The following ZFR2 variants were observed in gnomAD, a reference collection of about 807,000 sequenced individuals.
The protein encoded by ZFR2 is zinc finger RNA binding protein 2.
Under a neutral mutation model 105.7 loss-of-function variants are expected in ZFR2, and 104 were observed. That is an observed-to-expected ratio of 0.98 (90% CI 0.84 to 1.16). The LOEUF (loss-of-function observed/expected upper bound fraction) is 1.16, where lower values mean the gene tolerates loss of function less well. Ranked by LOEUF, ZFR2 falls within the 50% of genes most tolerant of loss-of-function variation. The pLI is 0.00. For synonymous variants in ZFR2, 634 were observed against 597.7 expected (o/e 1.06, Z -0.89); for missense variants, 1,425 against 1,355.5 (o/e 1.05, Z -0.80).
intron 14 of ZFR2, among the ~76,000 whole-genome samples, chr19:3,811,816 A>C (rs2037768214): frequency 6.6e-6 from 1 of 151,902 alleles, no homozygotes; most frequent in Non-Finnish European, 1.5e-5. Flanking sequence ...GCTGGAGTGC[A>C]GTGGTGTGAC....
At chr19:3,836,354 T>A (rs1339704646) in intron 1 of ZFR2, among the ~76,000 whole-genome samples, 2 of 152,298 alleles carry the variant, frequency 1.3e-5, no homozygotes, top group East Asian at 3.9e-4. Context: ...AGAAAGGGTC[T>A]CGCTCTGTCA....
Position 3,805,517 on chromosome 19 carries a change from T to G in ZFR2, c.*432A>C. Reference sequence around the variant, plus strand: ...GGTGCACACCACCACGCCAGGCTAATTGTTGTGTTTTTTACTAGAGACAGG... The same window carrying G: ...GGTGCACACCACCACGCCAGGCTAAGTGTTGTGTTTTTTACTAGAGACAGG... On this transcript the variant is annotated 3_prime_UTR_variant, in exon 19 of 19. Transcript: ENST00000262961. 2 of 156,768 alleles carry G rather than the reference T, an allele frequency of 1.3e-5. No individual in the cohort carries two copies. Among genetic ancestry groups the G allele is most frequent in the Non-Finnish European group, 1.4e-5 (1 of 70,924 alleles). 9.7% of individuals were successfully genotyped at this position (156,768 alleles called of 1,614,324 possible). A position where few individuals can be genotyped will look rare whatever the true frequency, so the allele number is the denominator to read the frequency against.
chr19:3,811,342 G>C lies in ZFR2; in HGVS notation c.2267C>G (p.Ala756Gly), dbSNP rs572672725. 88 of 1,600,880 alleles carry C rather than the reference G, an allele frequency of 5.5e-5. No homozygotes were observed. In the East Asian group the frequency reaches 1.9e-3, roughly 35 times the overall value. Reference sequence around the variant, plus strand: ...CTTCTTGGGGCTCAGGACATCACCTGCATCAGCCTGAGGCTCCTCCACACC... The same window carrying C: ...CTTCTTGGGGCTCAGGACATCACCTCCATCAGCCTGAGGCTCCTCCACACC... ...DPGVEEPQADAGDVLSPKKCL... is the reference protein window; with the variant it reads ...DPGVEEPQADGGDVLSPKKCL... Residue 756 changes from alanine (A) to glycine (G), a missense_variant, in exon 15 of 19, where the codon GCA becomes GGA. By Grantham distance (60) the Ala-to-Gly change is moderately conservative. Transcript: ENST00000262961.
Position 3,810,680 on chromosome 19 carries a change from T to G in ZFR2, c.2433+70A>C, listed in dbSNP as rs1417968840. 4.2e-6 allele frequency: 6 copies of G among 1,412,580 alleles called. No individual in the cohort carries two copies. The African/African-American group carries it at 8.7e-5, about 20-fold the overall frequency. The allele number at this position is 1,412,580 out of a possible 1,614,324, so 87.5% of individuals were successfully genotyped here. On this transcript the variant is annotated intron_variant, in intron 16 of 18. Coordinates refer to ENST00000262961, the MANE Select transcript of ZFR2 (RefSeq NM_015174.2). ...GAGGGAAAAGGTCTGTCTCTCAGCCTGGGCCTGTCAGGGCCATGGAGGCCC... is the reference window on the plus strand; with the variant it reads ...GAGGGAAAAGGTCTGTCTCTCAGCCGGGGCCTGTCAGGGCCATGGAGGCCC...
chr19:3,850,723 AAAC>A (rs59895843), intron 1 of ZFR2, among the ~76,000 whole-genome samples: 47,537 of 147,892 alleles, frequency 0.32, 8,220 homozygotes, highest in African/African-American at 0.44. Context: ...CTCTACAGAA[AAAC>A]AACAACAACA....
rs186809415 is a variant in ZFR2 at position 3,858,029 on chromosome 19, G to A, written c.53+10936C>T. Reference sequence around the variant, plus strand: ...ATGTCTTTTGATGGCTTTTTGGTCGGAGAATTTGTTTTGGGAAGTCAAGCT... The same window carrying A: ...ATGTCTTTTGATGGCTTTTTGGTCGAAGAATTTGTTTTGGGAAGTCAAGCT... On this transcript the variant is annotated intron_variant, in intron 1 of 18. Coordinates refer to ENST00000262961, the MANE Select transcript of ZFR2 (RefSeq NM_015174.2). The surrounding 1 kb of genome is among the most constrained non-coding windows in gnomAD (Gnocchi z 4.3). Among the ~76,000 whole-genome samples, 10 of 152,292 alleles carry A rather than the reference G, an allele frequency of 6.6e-5. No individual in the cohort carries two copies. The East Asian group carries it at 1.7e-3, about 26-fold the overall frequency.
Position 3,827,639 on chromosome 19 carries a change from A to C in ZFR2, c.867T>G (p.His289Gln). The C allele has an allele frequency of 1.3e-6, 2 of 1,581,134 alleles. No individual in the cohort carries two copies. Among genetic ancestry groups the C allele is most frequent in the Non-Finnish European group, 1.7e-6 (2 of 1,164,142 alleles). The change falls in exon 6 of 19, where the codon CAT becomes CAG. Residue 289 changes from histidine (H) to glutamine (Q), a missense_variant. His to Gln is a conservative substitution (Grantham distance 24). Coordinates refer to ENST00000262961, the MANE Select transcript of ZFR2 (RefSeq NM_015174.2). ...SCAGPQTYRE[H>Q]LGGQKHRKKE... ...TCTTTCTGTGCTTCTGCCCTCCCAG[A>C]TGTTCCCGGTAGGTCTGCGGCAAGG...
chr19:3,836,363 C>T (rs1338350969), intron 1 of ZFR2, among the ~76,000 whole-genome samples: 1 of 152,130 alleles, frequency 6.6e-6, no homozygotes, highest in Non-Finnish European at 1.5e-5. Flanking sequence ...CTCGCTCTGT[C>T]ACCCAGGTTG....
chr19:3,822,049 A>G, intron 9 of ZFR2, 32 bp downstream of exon 9: 1 of 1,567,194 alleles, frequency 6.4e-7, no homozygotes, highest in Non-Finnish European at 8.6e-7. Flanking sequence ...CACAGCCCGG[A>G]CGGGTGTCGG....
At chr19:3,829,445 T>C (rs2037987419) in intron 5 of ZFR2, among the ~76,000 whole-genome samples, 1 of 151,962 alleles carries the variant, frequency 6.6e-6, no homozygotes, top group Admixed American at 6.6e-5. Context: ...TGGGGGACTA[T>C]AGGTAGGTTT....
chr19:3,844,021 G>GT (rs1394414932), intron 1 of ZFR2, among the ~76,000 whole-genome samples: 3 of 148,510 alleles, frequency 2.0e-5, no homozygotes, highest in Non-Finnish European at 3.0e-5. Flanking sequence ...TGTGGGGGGG[G>GT]GGGTGCCAGG....
chr19:3,827,364 C>T (rs2037962243), intron 6 of ZFR2, 107 bp downstream of exon 6: 11 of 1,338,188 alleles, frequency 8.2e-6, no homozygotes, highest in Non-Finnish European at 1.1e-5. Context: ...CTTGGGGAGG[C>T]TTCTCCCAGC....
chr19:3,808,876 C>G lies in ZFR2; in HGVS notation c.2541G>C (p.Leu847=). 1 of 1,549,066 alleles carries G rather than the reference C, an allele frequency of 6.5e-7. No individual in the cohort carries two copies. The highest frequency in any genetic ancestry group is 8.7e-7 in the Non-Finnish European group (1 of 1,149,230). ...VLECVATGTL[L]TDGPGLQDPC... is the part of the protein sequence containing the mutation. ...CCCTCCGGCCCAGCGACTGACCTGT[C>G]AGGAGCGTCCCTGTGGCCACGCACT... The change falls in exon 17 of 19, where the codon CTG becomes CTC. Residue 847 remains leucine, a synonymous_variant. Transcript: ENST00000262961.
chr19:3,810,605 A>G, intron 16 of ZFR2, 145 bp downstream of exon 16: 1 of 670,692 alleles, frequency 1.5e-6, no homozygotes, highest in Non-Finnish European at 2.3e-6. Flanking sequence ...AGGGGACCTC[A>G]GGGACTCCCA....
At chr19:3,832,799 C>T (rs1359947587) in intron 3 of ZFR2, among the ~76,000 whole-genome samples, 2 of 151,864 alleles carry the variant, frequency 1.3e-5, no homozygotes, top group Non-Finnish European at 2.9e-5. Context: ...CCATGCCTGG[C>T]TAATTTTTTT....
At chr19:3,868,874 C>G in intron 1 of ZFR2, 91 bp downstream of exon 1, 1 of 1,074,718 alleles carries the variant, frequency 9.3e-7, no homozygotes, top group Non-Finnish European at 1.2e-6. Context: ...GGGGCCGGGC[C>G]GGGCGCACGC....
chr19:3,821,526 C>G, intron 9 of ZFR2, 47 bp from the exon 10 acceptor site: 1 of 1,494,922 alleles, frequency 6.7e-7, no homozygotes, highest in Non-Finnish European at 9.0e-7. Flanking sequence ...TTGCTTTAGA[C>G]AGGGATGCCA....
chr19:3,827,503 C>G lies in ZFR2; in HGVS notation c.1003G>C (p.Ala335Pro). ...AVSCTGADAY[A>P]AHIRGSKHQK... The stretch of plus-strand genomic sequence containing the variant: ...TGCTTGGATCCCCGGATGTGGGCCG[C>G]GTAGGCGTCCGCCCCGGTGCAGGAC... Residue 335 changes from alanine to proline, a missense_variant, in exon 6 of 19, where the codon GCG becomes CCG. By Grantham distance (27) the Ala-to-Pro change is conservative (BLOSUM62 -1). Transcript: ENST00000262961. 6.4e-7 allele frequency: 1 copy of G among 1,554,754 alleles called. No individual in the cohort carries two copies. Among genetic ancestry groups the G allele is most frequent in the African/African-American group, 1.4e-5 (1 of 73,280 alleles).
In ZFR2 at chr19:3,834,798, G is replaced by A. The variant is rs895358879; in HGVS notation, c.239C>T (p.Thr80Met). Reference protein sequence around the residue: ...YGSRPQEPVPTATTMATYQDS... With the variant: ...YGSRPQEPVPMATTMATYQDS... ...CTGGTAGGTAGCCATGGTGGTGGCCGTGGGGACGGGCTCCTGGGGTCGGCT... is the reference window on the plus strand; with the variant it reads ...CTGGTAGGTAGCCATGGTGGTGGCCATGGGGACGGGCTCCTGGGGTCGGCT... Residue 80 changes from threonine (T) to methionine (M), a missense_variant, in exon 2 of 19, where the codon ACG becomes ATG. Physicochemically the swap from Thr to Met is moderately conservative, Grantham distance 81 (BLOSUM62 -1). Transcript: ENST00000262961. The surrounding 1 kb of genome is among the most constrained non-coding windows in gnomAD (Gnocchi z 5.3). 9.3e-6 allele frequency: 15 copies of A among 1,612,178 alleles called. No homozygotes were observed. Among genetic ancestry groups the A allele is most frequent in the East Asian group, 6.7e-5 (3 of 44,888 alleles).
Sources: allele counts gnomAD v4.1 joint callset (sites outside exome capture counted in the v4.1 genomes callset), GRCh38; gene constraint gnomAD v4.1.1; non-coding constraint Gnocchi (gnomAD v3.1); transcripts MANE v1.5; gene names NCBI Gene and HGNC (gene_info 2026-07-23, HGNC 2026-07-21).